The following FANCM variants were observed in gnomAD, a reference collection of about 807,000 sequenced individuals.
FANCM encodes the protein FA complementation group M.
A neutral mutation model predicts 199.5 loss-of-function variants in FANCM; 140 were observed. The ratio of observed to expected loss-of-function variants is 0.70; its 90% CI spans 0.61 to 0.81. The LOEUF (loss-of-function observed/expected upper bound fraction) is 0.81, where lower values mean the gene tolerates loss of function less well. Ranked by LOEUF, FANCM falls within the 30% of genes least tolerant of loss-of-function variation. FANCM has a pLI of 0.00. For missense variants in FANCM, 2,410 were observed against 2,421.4 expected (o/e 1.00, Z 0.10); for synonymous variants, 840 against 836.8 (o/e 1.00, Z -0.07).
chr14:45,154,582 T>C (rs1887050423), intron 6 of FANCM, 115 bp from the exon 7 acceptor site: 1 of 731,116 alleles, frequency 1.4e-6, no homozygotes, highest in Non-Finnish European at 2.2e-6. Context: ...CTGGTTTTCA[T>C]GTTTACACTT....
intron 14 of FANCM, among the ~76,000 whole-genome samples, chr14:45,179,782 G>A (rs1888952237): frequency 6.6e-6 from 1 of 151,734 alleles, no homozygotes; most frequent in African/African-American, 2.4e-5. Flanking sequence ...GGCTGGTCTC[G>A]GACTCCTGAC....
intron 8 of FANCM, among the ~76,000 whole-genome samples, chr14:45,158,787 G>T (rs1182894089): frequency 6.6e-6 from 1 of 152,024 alleles, no homozygotes; most frequent in East Asian, 1.9e-4. Context: ...AATTAATAGA[G>T]AATATAGTTT....
In FANCM at chr14:45,136,150, C is replaced by G. The variant is rs750184645; in HGVS notation, c.119C>G (p.Ala40Gly). The G allele has an allele frequency of 1.5e-5, 24 of 1,614,058 alleles. No individual in the cohort carries two copies. The highest frequency in any genetic ancestry group is 2.0e-5 in the Non-Finnish European group (24 of 1,180,052). The change falls in exon 1 of 23, where the codon GCG becomes GGG. Residue 40 changes from alanine (A) to glycine (G), a missense_variant. Transcript: ENST00000267430. Reference sequence around the variant, plus strand: ...CCTCAGAGCCCTGGCAGCTCCAAGGCGCCTTTGCCAGCAGCAGCGGAGGCT... The same window carrying G: ...CCTCAGAGCCCTGGCAGCTCCAAGGGGCCTTTGCCAGCAGCAGCGGAGGCT... The part of the protein sequence containing the change: ...ERPQSPGSSK[A>G]PLPAAAEAQL...
chr14:45,193,537 T>C (rs1013888768), intron 20 of FANCM, among the ~76,000 whole-genome samples: 18 of 152,232 alleles, frequency 1.2e-4, no homozygotes, highest in African/African-American at 4.3e-4. Flanking sequence ...GGGTATACCT[T>C]TGATTCATTT....
intron 21 of FANCM, among the ~76,000 whole-genome samples, chr14:45,196,929 T>C (rs1411118749): frequency 1.3e-5 from 2 of 152,166 alleles, no homozygotes; most frequent in Admixed American, 1.3e-4. Context: ...TTCTTGGTTA[T>C]TGGGCAGTTA....
intron 11 of FANCM, among the ~76,000 whole-genome samples, chr14:45,168,373 T>A (rs1346641841): frequency 6.6e-6 from 1 of 152,110 alleles, no homozygotes; most frequent in African/African-American, 2.4e-5. Context: ...TTTGATAAAT[T>A]AATAAAAGCA....
intron 17 of FANCM, among the ~76,000 whole-genome samples, chr14:45,184,504 A>G (rs1399186144): frequency 2.0e-5 from 3 of 151,980 alleles, no homozygotes; most frequent in Non-Finnish European, 4.4e-5. Flanking sequence ...TCTACTAAAA[A>G]TACAAAAATT....
intron 2 of FANCM, among the ~76,000 whole-genome samples, chr14:45,138,405 C>T (rs559060556): frequency 4.9e-4 from 74 of 152,156 alleles, no homozygotes; most frequent in Non-Finnish European, 9.3e-4. Flanking sequence ...GGATAATTGT[C>T]ATCTTTTTTA....
At chr14:45,183,512 A>G (rs2139276746) in intron 16 of FANCM, among the ~76,000 whole-genome samples, 1 of 152,312 alleles carries the variant, frequency 6.6e-6, no homozygotes, top group East Asian at 1.9e-4. Flanking sequence ...AGAAAAAATA[A>G]AAATAAAAAC....
At chr14:45,165,420 C>T (rs929166373) in intron 10 of FANCM, among the ~76,000 whole-genome samples, 15 of 152,044 alleles carry the variant, frequency 9.9e-5, no homozygotes, top group Admixed American at 9.2e-4. Context: ...TGGTGGCGCA[C>T]GTCTGTAATC....
intron 20 of FANCM, among the ~76,000 whole-genome samples, chr14:45,190,927 G>A (rs1012126475): frequency 6.6e-6 from 1 of 152,124 alleles, no homozygotes; most frequent in Non-Finnish European, 1.5e-5. Context: ...CTATCCACAG[G>A]TGTGATCATA....
In FANCM at chr14:45,137,357, T is replaced by C. The variant is rs1330636176; in HGVS notation, c.681+116T>C. On this transcript the variant is annotated intron_variant, in intron 2 of 22. Transcript: ENST00000267430. The stretch of plus-strand genomic sequence containing the variant: ...AATATTATTATAAAAAGCCTTTACG[T>C]CTATTATCTCAGAACAGATGGTGAT... The C allele has an allele frequency of 3.7e-6, 3 of 803,220 alleles. No individual in the cohort carries two copies. In the East Asian group the frequency reaches 7.9e-5, roughly 21 times the overall value. 49.8% of individuals were successfully genotyped at this position (803,220 alleles called of 1,614,324 possible).
chr14:45,148,199 A>AC (rs770877732), intron 3 of FANCM, among the ~76,000 whole-genome samples: 13,457 of 143,982 alleles, frequency 0.093, 690 homozygotes, highest in South Asian at 0.17. Flanking sequence ...ACCGTCTCAA[A>AC]AACACACACA....
At chr14:45,140,754 C>G (rs1476161646) in intron 3 of FANCM, 45 bp downstream of exon 3, 2 of 1,272,474 alleles carry the variant, frequency 1.6e-6, no homozygotes, top group Non-Finnish European at 2.3e-6. Flanking sequence ...GAAAATAAAG[C>G]TTTTGGCCAG....
Position 45,175,111 on chromosome 14 carries a change from A to G in FANCM, c.2357A>G (p.Gln786Arg), listed in dbSNP as rs1467872353. The G allele has an allele frequency of 1.9e-6, 3 of 1,612,198 alleles. No individual in the cohort carries two copies. Among genetic ancestry groups the G allele is most frequent in the Non-Finnish European group, 2.5e-6 (3 of 1,178,880 alleles). Residue 786 changes from glutamine to arginine, a missense_variant, in exon 14 of 23, where the codon CAA (glutamine) becomes CGA (arginine). Gln to Arg is a conservative substitution (Grantham distance 43). Coordinates refer to ENST00000267430, the MANE Select transcript of FANCM (RefSeq NM_020937.4). The part of the protein sequence containing the change: ...SYELEVESYL[Q>R]MEDVTSTFIA... ...GAATTGGAAGTTGAATCTTATTTAC[A>G]AATGGAAGATGTTACCTCAACATTT...
rs141463007 is a variant in FANCM at position 45,174,753 on chromosome 14, A to C, written c.2317-318A>C. ...TTTAAGAAATTAGAATAATTCAGTT[A>C]AATGTTAGAAATGTAAAACTCACTA... On this transcript the variant is annotated intron_variant, in intron 13 of 22. Transcript: ENST00000267430. Among the ~76,000 whole-genome samples the C allele has an allele frequency of 3.3e-3, 502 of 152,250 alleles. 1 individual carries two copies. Among genetic ancestry groups the C allele is most frequent in the Middle Eastern group, 6.8e-3 (2 of 294 alleles).
Position 45,176,874 on chromosome 14 carries a change from A to G in FANCM, c.4120A>G (p.Lys1374Glu), listed in dbSNP as rs758810162. 6.2e-7 allele frequency: 1 copy of G among 1,610,252 alleles called. No individual in the cohort carries two copies. Among genetic ancestry groups the G allele is most frequent in the South Asian group, 1.1e-5 (1 of 90,562 alleles). The change falls in exon 14 of 23, where the codon AAA becomes GAA. Residue 1374 changes from lysine to glutamate, a missense_variant. Lys to Glu is a moderately conservative substitution (Grantham distance 56). Coordinates refer to ENST00000267430, the MANE Select transcript of FANCM (RefSeq NM_020937.4). ...SKEKVNLQRF[K>E]EALNSTFDYS... ...GGAAAAAGTAAACCTACAAAGATTC[A>G]AAGAAGCATTGAATTCAACTTTTGA... is the stretch of plus-strand genomic sequence containing the variant.
intron 2 of FANCM, among the ~76,000 whole-genome samples, chr14:45,139,581 A>G (rs1202333890): frequency 1.3e-5 from 2 of 152,222 alleles, no homozygotes; most frequent in East Asian, 3.8e-4. Flanking sequence ...GAAAGTGCAG[A>G]TGGTGGTTTG....
chr14:45,172,398 C>T (rs2139232549), intron 12 of FANCM, among the ~76,000 whole-genome samples: 1 of 152,246 alleles, frequency 6.6e-6, no homozygotes, highest in Non-Finnish European at 1.5e-5. Flanking sequence ...AGAGGTAGGG[C>T]TTCGATCCAT....
Sources: gnomAD v4.1 joint callset for allele counts (sites outside exome capture counted in the v4.1 genomes callset) on GRCh38, gnomAD v4.1.1 for gene constraint, MANE v1.5 for transcripts, NCBI Gene and HGNC (gene_info 2026-07-23, HGNC 2026-07-21) for gene names.